NECAB2: variants seen among roughly 807,000 people sequenced by gnomAD.
The protein encoded by NECAB2 is N-terminal EF-hand calcium-binding protein 2.
A neutral mutation model predicts 51.9 loss-of-function variants in NECAB2; 68 were observed. That is an observed-to-expected ratio of 1.31 (90% CI 1.08 to 1.60). NECAB2 has a LOEUF of 1.60. NECAB2 is among the 40% of genes most tolerant of loss of function. The pLI is 0.00. For synonymous variants in NECAB2, 329 were observed against 203.5 expected (o/e 1.62, Z -5.25); for missense variants, 854 against 490.3 (o/e 1.74, Z -7.00).
chr16:84,000,587 A>T, intron 10 of NECAB2, 137 bp from the exon 11 acceptor site: 1 of 639,532 alleles, frequency 1.6e-6, no homozygotes, highest in South Asian at 2.0e-5. Flanking sequence ...TCGAGTCTCG[A>T]TGGAGGTCAA....
intron 9 of NECAB2, among the ~76,000 whole-genome samples, chr16:83,997,745 G>T (rs1471913858): frequency 1.3e-5 from 2 of 151,898 alleles, no homozygotes; most frequent in Non-Finnish European, 2.9e-5. Flanking sequence ...TGCCCACCTT[G>T]GCCTCCTAAA....
At position 83,994,576 on chromosome 16, in the gene NECAB2, A is replaced by G. The variant is rs73248831; in HGVS notation, c.716-33A>G. 3,091 of 1,613,530 alleles carry G rather than the reference A, an allele frequency of 1.9e-3. 26 individuals are homozygous for G. In the African/African-American group the frequency reaches 0.026, roughly 13 times the overall value. On this transcript the variant is annotated intron_variant, in intron 7 of 12. Coordinates refer to ENST00000305202, the MANE Select transcript of NECAB2 (RefSeq NM_019065.3). ...CCCCGAAGCCCTCGTCCTGCCCACC[A>G]CTGAAGTCTGTGTGTCTCTTTCTCT...
chr16:83,997,150 G>A lies in NECAB2; in HGVS notation c.796-66G>A, dbSNP rs1172143055. On this transcript the variant is annotated intron_variant, in intron 8 of 12. Coordinates refer to ENST00000305202, the MANE Select transcript of NECAB2 (RefSeq NM_019065.3). The stretch of plus-strand genomic sequence containing the variant: ...TCCCAACAGCCCCAGGGATCCCAGA[G>A]CTCCTGGCTCCCCGGGGCGGAGTGG... 3.1e-6 allele frequency: 5 copies of A among 1,605,236 alleles called. No individual in the cohort carries two copies. The South Asian group carries it at 3.3e-5, about 11-fold the overall frequency.
At chr16:83,985,385 A>C (rs2084540531) in intron 5 of NECAB2, among the ~76,000 whole-genome samples, 1 of 146,056 alleles carries the variant, frequency 6.8e-6, no homozygotes, top group African/African-American at 2.5e-5. Flanking sequence ...CTGTAATCCC[A>C]GCACTTTGGG....
chr16:83,993,767 G>T (rs887010165), intron 6 of NECAB2, among the ~76,000 whole-genome samples: 1 of 152,052 alleles, frequency 6.6e-6, no homozygotes, highest in Non-Finnish European at 1.5e-5. Flanking sequence ...CCGGGAGATG[G>T]GGCCAGGCCC....
intron 9 of NECAB2, among the ~76,000 whole-genome samples, chr16:83,997,527 T>A (rs1165048966): frequency 7.8e-6 from 1 of 128,344 alleles, no homozygotes; most frequent in African/African-American, 3.0e-5. Context: ...TTGCTGTATC[T>A]CCCAGGCTGG....
intron 12 of NECAB2, 100 bp from the exon 13 acceptor site, chr16:84,002,218 T>G: frequency 6.9e-7 from 1 of 1,450,626 alleles, no homozygotes; most frequent in Non-Finnish European, 9.7e-7. Context: ...ACACAAGGAC[T>G]CAAAGCCATC....
At chr16:83,979,074 A>C (rs2084452488) in intron 3 of NECAB2, among the ~76,000 whole-genome samples, 1 of 152,208 alleles carries the variant, frequency 6.6e-6, no homozygotes, top group African/African-American at 2.4e-5. Flanking sequence ...GAATCAGCCA[A>C]AAACTCTGTC....
At position 83,970,491 on chromosome 16, in the gene NECAB2, G is replaced by T. The variant is rs79784000; in HGVS notation, c.201+1642G>T. On this transcript the variant is annotated intron_variant, in intron 1 of 12. Transcript: ENST00000305202. ...GTGATGTTTGAGAGGCCCTCCCATAGCTGTGCTTCAGTCTCACCGCCCAGG... is the reference window on the plus strand; with the variant it reads ...GTGATGTTTGAGAGGCCCTCCCATATCTGTGCTTCAGTCTCACCGCCCAGG... Among the ~76,000 whole-genome samples the T allele has an allele frequency of 5.7e-3, 869 of 152,236 alleles. 12 individuals are homozygous for T. Among genetic ancestry groups the T allele is most frequent in the African/African-American group, 0.02 (824 of 41,526 alleles).
intron 8 of NECAB2, 39 bp from the exon 9 acceptor site, chr16:83,997,177 G>GCT (rs776210062): frequency 6.2e-7 from 1 of 1,613,582 alleles, no homozygotes. Flanking sequence ...GCGGAGTGGG[G>GCT]CTCTGGGTCT....
intron 9 of NECAB2, among the ~76,000 whole-genome samples, chr16:83,997,479 CTTTTTTTTTT>C (rs11296947): frequency 3.9e-4 from 21 of 53,280 alleles, no homozygotes; most frequent in East Asian, 1.3e-3. Flanking sequence ...CTCCCTGGAC[CTTTTTTTTTT>C]TTTTTTTTTT....
At position 83,978,451 on chromosome 16, in the gene NECAB2, G is replaced by T. The variant is rs62620705; in HGVS notation, c.234G>T (p.Gly78=). Residue 78 remains glycine (G), a synonymous_variant, in exon 3 of 13, where the codon GGG becomes GGT. Coordinates refer to ENST00000305202, the MANE Select transcript of NECAB2 (RefSeq NM_019065.3). ...CTGCTTCCTTCCTTGCAGATGATGG[G>T]AAGCTGTCCTTGGAGGAATTCCAGC... ...IFRRADKNDD[G]KLSLEEFQLF... The T allele has an allele frequency of 2.3e-5, 37 of 1,613,616 alleles. No individual in the cohort carries two copies. The highest frequency in any genetic ancestry group is 2.0e-4 in the African/African-American group (15 of 74,856).
chr16:83,994,758 T>G (rs1597220935), intron 8 of NECAB2, 70 bp downstream of exon 8: 2 of 1,556,358 alleles, frequency 1.3e-6, no homozygotes, highest in East Asian at 4.5e-5. Context: ...AAGCCTGGAG[T>G]TCAGGACAAA....
intron 1 of NECAB2, 130 bp from the exon 2 acceptor site, chr16:83,972,021 G>A (rs547425435): frequency 2.4e-6 from 3 of 1,253,304 alleles, no homozygotes; most frequent in African/African-American, 3.0e-5. Context: ...GGAGAGGGAA[G>A]GGGGGCTCAG....
upstream of NECAB2, among the ~76,000 whole-genome samples, chr16:83,968,161 G>C (rs1019818452): frequency 7.9e-5 from 12 of 151,502 alleles, no homozygotes; most frequent in African/African-American, 2.7e-4. Context: ...CGGGCGTGAC[G>C]GGGCCGCGGG....
At chr16:84,001,441 A>C (rs4997521) in intron 11 of NECAB2, among the ~76,000 whole-genome samples, 1 of 151,874 alleles carries the variant, frequency 6.6e-6, no homozygotes, top group African/African-American at 2.4e-5. Flanking sequence ...GAGAAGTGAG[A>C]GTGTCCCCTC....
intron 2 of NECAB2, among the ~76,000 whole-genome samples, chr16:83,973,847 G>T (rs1179171015): frequency 6.6e-6 from 1 of 152,158 alleles, no homozygotes; most frequent in African/African-American, 2.4e-5. Context: ...CGTGTGTCCA[G>T]CGTGGGCCTC....
chr16:84,001,962 G>C (rs1220688190), intron 12 of NECAB2, 46 bp downstream of exon 12: 9 of 1,587,130 alleles, frequency 5.7e-6, no homozygotes, highest in Admixed American at 3.4e-5. Flanking sequence ...TGACTGGAGA[G>C]AAGGGCAAGA....
intron 5 of NECAB2, among the ~76,000 whole-genome samples, chr16:83,985,305 C>G (rs951968254): frequency 1.4e-5 from 1 of 69,276 alleles, no homozygotes; most frequent in Non-Finnish European, 2.7e-5. Flanking sequence ...AAGAGCAAAT[C>G]TCTGTCTCAA....
Sources: allele counts gnomAD v4.1 joint callset (sites outside exome capture counted in the v4.1 genomes callset), GRCh38; gene constraint gnomAD v4.1.1; transcripts MANE v1.5; gene names NCBI Gene and HGNC (gene_info 2026-07-23, HGNC 2026-07-21).